MAU2: variants seen among roughly 807,000 people sequenced by gnomAD.
MAU2 encodes MAU2 sister chromatid cohesion factor.
MAU2 carries 9 observed loss-of-function variants against 89.1 expected under a neutral mutation model. The ratio of observed to expected loss-of-function variants is 0.10; its 90% CI spans 0.06 to 0.18. MAU2 has a LOEUF of 0.18. MAU2 is among the 10% of genes least tolerant of loss of function. MAU2 has a pLI of 1.00. For missense variants in MAU2, 425 were observed against 803.5 expected, an observed-to-expected ratio of 0.53 and a Z score of 5.69; for synonymous variants, 357 against 343.4, an observed-to-expected ratio of 1.04 and a Z score of -0.44.
At chr19:19,333,309 A>T (rs759684022) in intron 1 of MAU2, among the ~76,000 whole-genome samples, 27 of 152,056 alleles carry the variant, frequency 1.8e-4, no homozygotes, top group Non-Finnish European at 3.8e-4. Flanking sequence ...GCGTAGCCAG[A>T]CCCCATCTCT....
intron 2 of MAU2, 110 bp downstream of exon 2, chr19:19,335,845 C>A: frequency 7.7e-7 from 1 of 1,298,118 alleles, no homozygotes; most frequent in Non-Finnish European, 1.1e-6. Context: ...AGTTGAGGCT[C>A]GGCCCACAGA....
At chr19:19,337,076 T>G in intron 3 of MAU2, 94 bp from the exon 4 acceptor site, 2 of 930,356 alleles carry the variant, frequency 2.1e-6, no homozygotes, top group South Asian at 2.9e-5. Flanking sequence ...AGGAACTGCC[T>G]TCTGGCACCA....
Position 19,320,949 on chromosome 19 carries a change from G to A in MAU2, c.90G>A (p.Leu30=). Residue 30 remains leucine, a synonymous_variant, in exon 1 of 19, where the codon CTG becomes CTA. Coordinates refer to ENST00000262815, the MANE Select transcript of MAU2 (RefSeq NM_015329.4). The stretch of plus-strand genomic sequence containing the variant: ...CCGACTCGTGGTACCTGGCGCTTCT[G>A]GGCTTCGCTGAGCACTTCCGCACTT... ...EAADSWYLAL[L]GFAEHFRTSS... 1 of 1,586,908 alleles carries A rather than the reference G, an allele frequency of 6.3e-7. No homozygotes were observed. The highest frequency in any genetic ancestry group is 1.1e-5 in the South Asian group (1 of 87,638).
In MAU2 at chr19:19,357,240, G is replaced by A. The variant is rs1199728366; in HGVS notation, c.*1458G>A. 6.6e-6 allele frequency: 1 copy of A among 152,332 alleles called. No individual in the cohort carries two copies. The highest frequency in any genetic ancestry group is 2.4e-5 in the African/African-American group (1 of 41,450). The allele number at this position is 152,332 out of a possible 1,614,324, so 9.4% of individuals were successfully genotyped here. On this transcript the variant is annotated 3_prime_UTR_variant, in exon 19 of 19. Transcript: ENST00000262815. ...AGTGACAGGCTGGTCAGAGGGCGGG[G>A]CTGGTGAGGGTTTGTCCTAAGAGGA...
chr19:19,321,434 C>T lies in MAU2; in HGVS notation c.276+299C>T, dbSNP rs1174206799. The T allele has an allele frequency of 1.2e-5, 4 of 347,490 alleles. No homozygotes were observed. In the East Asian group the frequency reaches 1.7e-4, roughly 15 times the overall value. 21.5% of individuals were successfully genotyped at this position (347,490 alleles called of 1,614,324 possible). Reference sequence around the variant, plus strand: ...GGGAGCAACAGGATCCGCAAATCGTCTGGTTTTCAGGAGGATCCCACCTGT... The same window carrying T: ...GGGAGCAACAGGATCCGCAAATCGTTTGGTTTTCAGGAGGATCCCACCTGT... On this transcript the variant is annotated intron_variant, in intron 1 of 18. Transcript: ENST00000262815.
intron 16 of MAU2, among the ~76,000 whole-genome samples, chr19:19,350,784 C>G (rs2061737482): frequency 6.6e-6 from 1 of 151,796 alleles, no homozygotes; most frequent in South Asian, 2.1e-4. Context: ...CCTGTAGTCC[C>G]AGCTATTTGG....
At chr19:19,323,247 T>C (rs1049616526) in intron 1 of MAU2, among the ~76,000 whole-genome samples, 1 of 151,490 alleles carries the variant, frequency 6.6e-6, no homozygotes, top group Non-Finnish European at 1.5e-5. Context: ...CAGGCTGGAG[T>C]GCAGTGGCGC....
At position 19,345,184 on chromosome 19, in the gene MAU2, C is replaced by T. The variant is rs1429726440; in HGVS notation, c.1156-120C>T. 9 of 899,546 alleles carry T rather than the reference C, an allele frequency of 1.0e-5. No homozygotes were observed. Among genetic ancestry groups the T allele is most frequent in the African/African-American group, 1.6e-5 (1 of 61,160 alleles). 55.7% of individuals were successfully genotyped at this position (899,546 alleles called of 1,614,324 possible). A position where few individuals can be genotyped will look rare whatever the true frequency, so the allele number is the denominator to read the frequency against. ...CATATTACCTGCCTTGCAGCTGGCTCGGTAGAGCCATTGTCATACTCCTCC... is the reference window on the plus strand; with the variant it reads ...CATATTACCTGCCTTGCAGCTGGCTTGGTAGAGCCATTGTCATACTCCTCC... On this transcript the variant is annotated intron_variant, in intron 11 of 18. Coordinates refer to ENST00000262815, the MANE Select transcript of MAU2 (RefSeq NM_015329.4). This position sits in a 1 kb window ranked among gnomAD's most constrained non-coding sequence, Gnocchi z 4.9.
intron 1 of MAU2, among the ~76,000 whole-genome samples, chr19:19,324,416 G>A (rs1050526739): frequency 1.3e-5 from 2 of 152,150 alleles, no homozygotes; most frequent in African/African-American, 4.8e-5. Context: ...GACTGGGAGG[G>A]GTCTGGTGGC....
intron 1 of MAU2, among the ~76,000 whole-genome samples, chr19:19,323,166 C>T (rs928879217): frequency 2.0e-5 from 3 of 151,912 alleles, no homozygotes; most frequent in Non-Finnish European, 2.9e-5. Context: ...AGATTACAGG[C>T]ATGAGCCACT....
At chr19:19,326,844 A>C (rs1390123463) in intron 1 of MAU2, among the ~76,000 whole-genome samples, 1 of 149,838 alleles carries the variant, frequency 6.7e-6, no homozygotes, top group East Asian at 1.9e-4. Context: ...GTGAGCTGTG[A>C]TCGTGCCACT....
intron 1 of MAU2, among the ~76,000 whole-genome samples, chr19:19,329,315 T>A (rs2061536408): frequency 6.6e-6 from 1 of 152,140 alleles, no homozygotes; most frequent in Non-Finnish European, 1.5e-5. Context: ...TCCTTCCCTC[T>A]CACTCTTGAG....
rs1009992204 is a variant in MAU2, at chr19:19,345,122, C to A, written c.1156-182C>A. The A allele has an allele frequency of 1.4e-6, 1 of 718,684 alleles. No individual in the cohort carries two copies. Among genetic ancestry groups the A allele is most frequent in the Admixed American group, 2.3e-5 (1 of 43,576 alleles). The allele number at this position is 718,684 out of a possible 1,614,324, so 44.5% of individuals were successfully genotyped here. ...CTCCCAGTGAGCATCTTGTCCCACCCCACATTGGCTTGGGTCTGAAAGGTG... is the reference window on the plus strand; with the variant it reads ...CTCCCAGTGAGCATCTTGTCCCACCACACATTGGCTTGGGTCTGAAAGGTG... On this transcript the variant is annotated intron_variant, in intron 11 of 18. Transcript: ENST00000262815. The surrounding 1 kb of genome is among the most constrained non-coding windows in gnomAD (Gnocchi z 4.9).
intron 1 of MAU2, among the ~76,000 whole-genome samples, chr19:19,335,131 A>G (rs2061586224): frequency 6.6e-6 from 1 of 152,066 alleles, no homozygotes; most frequent in African/African-American, 2.4e-5. Context: ...CCTGGTGTGC[A>G]TCTTCAGTGC....
rs959590954 is a variant in MAU2, at chr19:19,351,678, CA to C, written c.1548+2253del. Reference sequence around the variant, plus strand: ...CTGGACAACACAGTGAGATCCGTCTCAAAAAAAAAAAGTTATTTTTCTAGAT... The same window carrying C: ...CTGGACAACACAGTGAGATCCGTCTCAAAAAAAAAAGTTATTTTTCTAGAT... On this transcript the variant is annotated intron_variant, in intron 16 of 18. Coordinates refer to ENST00000262815, the MANE Select transcript of MAU2 (RefSeq NM_015329.4). Among the ~76,000 whole-genome samples, 35 of 138,304 alleles carry C rather than the reference CA, an allele frequency of 2.5e-4. 2 individuals are homozygous for C. Among genetic ancestry groups the C allele is most frequent in the Admixed American group, 9.5e-4 (13 of 13,692 alleles). The allele number at this position is 138,304 out of a possible 152,430, so 90.7% of individuals were successfully genotyped here. A position where few individuals can be genotyped will look rare whatever the true frequency, so the allele number is the denominator to read the frequency against.
chr19:19,326,721 C>CATATACAT, intron 1 of MAU2, among the ~76,000 whole-genome samples: 1 of 81,000 alleles, frequency 1.2e-5, no homozygotes, highest in East Asian at 3.7e-4. Flanking sequence ...TATATATATA[C>CATATACAT]ATATATATAT....
chr19:19,335,313 C>T (rs2061587438), intron 1 of MAU2, among the ~76,000 whole-genome samples: 1 of 152,220 alleles, frequency 6.6e-6, no homozygotes, highest in Admixed American at 6.5e-5. Context: ...TTATGCTTTG[C>T]TGAACGTCCT....
chr19:19,351,705 T>C (rs1376897029), intron 16 of MAU2, among the ~76,000 whole-genome samples: 2 of 151,982 alleles, frequency 1.3e-5, no homozygotes, highest in South Asian at 2.1e-4. Flanking sequence ...TTTTCTAGAT[T>C]ATAAAATATG....
intron 1 of MAU2, among the ~76,000 whole-genome samples, chr19:19,323,057 A>G (rs2061474992): frequency 6.6e-6 from 1 of 151,122 alleles, no homozygotes; most frequent in South Asian, 2.1e-4. Context: ...CACCCAGCTA[A>G]TTTTTGTATT....
Sources: gnomAD v4.1 joint callset for allele counts (sites outside exome capture counted in the v4.1 genomes callset) on GRCh38, gnomAD v4.1.1 for gene constraint, Gnocchi (gnomAD v3.1) non-coding constraint, MANE v1.5 for transcripts, NCBI Gene and HGNC (gene_info 2026-07-23, HGNC 2026-07-21) for gene names.